Variants in DCHS2 observed in about 807,000 individuals in gnomAD.
DCHS2 encodes protocadherin-23.
DCHS2 carries 142 observed loss-of-function variants against 182.4 expected under a neutral mutation model. That is an observed-to-expected ratio of 0.78 (90% CI 0.68 to 0.89). The LOEUF is 0.89. Among genes scored for constraint, DCHS2 ranks in the 40% least tolerant of loss-of-function variants. The pLI is 0.00. For synonymous variants in DCHS2, 1,740 were observed against 1,663.3 expected (o/e 1.05, Z -1.12); for missense variants, 4,319 against 4,198.6 (o/e 1.03, Z -0.79).
intron 2 of DCHS2, among the ~76,000 whole-genome samples, chr4:154,376,026 T>C (rs1730875589): frequency 6.6e-6 from 1 of 152,032 alleles, no homozygotes; most frequent in African/African-American, 2.4e-5. Flanking sequence ...ATTGGTATAC[T>C]AATGCTTGGT....
At chr4:154,343,546 C>T in intron 3 of DCHS2, 1 of 1,527,414 alleles carries the variant, frequency 6.5e-7, no homozygotes, top group Non-Finnish European at 8.8e-7. Context: ...TCATCTTGCA[C>T]TTTTAGGTAA....
chr4:154,347,555 T>C (rs897750525), intron 3 of DCHS2, among the ~76,000 whole-genome samples: 1 of 151,840 alleles, frequency 6.6e-6, no homozygotes, highest in African/African-American at 2.4e-5. Flanking sequence ...TGTACTACAG[T>C]ATAGTACTAC....
At chr4:154,279,328 A>G (rs1446503422) in intron 13 of DCHS2, among the ~76,000 whole-genome samples, 4 of 152,094 alleles carry the variant, frequency 2.6e-5, no homozygotes, top group African/African-American at 7.2e-5. Flanking sequence ...TAAATGAAAA[A>G]TAAGATCCAG....
At chr4:154,393,517 C>T (rs528094817) in intron 1 of DCHS2, among the ~76,000 whole-genome samples, 7 of 152,190 alleles carry the variant, frequency 4.6e-5, no homozygotes, top group African/African-American at 7.2e-5. Context: ...GTGATAGTCA[C>T]AATGTCTTCA....
intron 8 of DCHS2, 100 bp downstream of exon 8, chr4:154,322,231 A>G: frequency 6.9e-7 from 1 of 1,451,330 alleles, no homozygotes; most frequent in Non-Finnish European, 9.5e-7. Flanking sequence ...ATACATATTC[A>G]TATACATACA....
intron 3 of DCHS2, among the ~76,000 whole-genome samples, chr4:154,341,148 C>A (rs1043210125): frequency 6.6e-6 from 1 of 152,012 alleles, no homozygotes; most frequent in African/African-American, 2.4e-5. Context: ...GCGGGTGGAT[C>A]ACGAGGTCAG....
In DCHS2 at chr4:154,491,644, T is replaced by A; in HGVS notation, c.-289A>T. The A allele has an allele frequency of 3.1e-6, 4 of 1,291,202 alleles. No homozygotes were observed. The highest frequency in any genetic ancestry group is 3.9e-6 in the Non-Finnish European group (4 of 1,023,340). 80.0% of individuals were successfully genotyped at this position (1,291,202 alleles called of 1,614,324 possible). On this transcript the variant is annotated 5_prime_UTR_variant, in exon 1 of 20. Coordinates refer to ENST00000357232, the MANE Select transcript of DCHS2 (RefSeq NM_001358235.2). ...AATCTCATCTCTTTTTCTCTCTCCT[T>A]TTATTCCCTTTACATCTGTTCCTTG...
At chr4:154,258,249 T>C (rs1187974538) in intron 15 of DCHS2, among the ~76,000 whole-genome samples, 1 of 151,952 alleles carries the variant, frequency 6.6e-6, no homozygotes, top group Non-Finnish European at 1.5e-5. Flanking sequence ...CCAGATATCC[T>C]GGACGGGGTG....
At chr4:154,407,112 T>C (rs1732431172) in intron 1 of DCHS2, among the ~76,000 whole-genome samples, 1 of 152,192 alleles carries the variant, frequency 6.6e-6, no homozygotes, top group African/African-American at 2.4e-5. Flanking sequence ...ATCTGTTTTA[T>C]GGCAACATGA....
At chr4:154,297,097 C>G (rs1211088701) in intron 13 of DCHS2, among the ~76,000 whole-genome samples, 1 of 152,140 alleles carries the variant, frequency 6.6e-6, no homozygotes, top group Non-Finnish European at 1.5e-5. Flanking sequence ...AAGCATCAGC[C>G]AGCTTGAAAT....
Position 154,377,279 on chromosome 4 carries a change from C to G in DCHS2, c.2218G>C (p.Asp740His). ...CCATCCTTAGCTTCCACCAGGAGAT[C>G]ATAGGTAGCTGGATCCCTTTCCCTG... ...IDRERDPATY[D>H]LLVEAKDGGG... The change falls in exon 2 of 20, where the codon GAT becomes CAT. Residue 740 changes from aspartate (D) to histidine (H), a missense_variant. By Grantham distance (81) the Asp-to-His change is moderately conservative (BLOSUM62 -1). Transcript: ENST00000357232. 6.2e-7 allele frequency: 1 copy of G among 1,613,258 alleles called. No homozygotes were observed. The highest frequency in any genetic ancestry group is 8.5e-7 in the Non-Finnish European group (1 of 1,179,498).
rs1353503512 is a variant in DCHS2 at position 154,491,104 on chromosome 4, AC to A, written c.251del (p.Gly84ValfsTer77). 1.9e-6 allele frequency: 3 copies of A among 1,551,130 alleles called. No individual in the cohort carries two copies. Among genetic ancestry groups the A allele is most frequent in the Non-Finnish European group, 2.6e-6 (3 of 1,146,930 alleles). On this transcript the variant is annotated frameshift_variant, in exon 1 of 20. Coordinates refer to ENST00000357232, the MANE Select transcript of DCHS2 (RefSeq NM_001358235.2). LOFTEE classifies it high-confidence loss of function. ...CGGCCGGCAGCCCGGCGCGGATGTCACCTACCAGCGTGTCCGGGGGAAGCCC... is the reference window on the plus strand; with the variant it reads ...CGGCCGGCAGCCCGGCGCGGATGTCACTACCAGCGTGTCCGGGGGAAGCCC... ...DEGLPPDTLV[G>X]DIRAGLPAAQ...
chr4:154,483,894 A>C (rs1334561689), intron 1 of DCHS2, among the ~76,000 whole-genome samples: 1 of 152,188 alleles, frequency 6.6e-6, no homozygotes, highest in African/African-American at 2.4e-5. Context: ...AGCTTTAAGT[A>C]TCACCTCCAC....
At chr4:154,433,657 G>T (rs1022065427) in intron 1 of DCHS2, among the ~76,000 whole-genome samples, 13 of 152,242 alleles carry the variant, frequency 8.5e-5, no homozygotes, top group African/African-American at 2.9e-4. Flanking sequence ...GCCTCCCAAA[G>T]TGCTGGGATT....
intron 1 of DCHS2, among the ~76,000 whole-genome samples, chr4:154,395,430 A>G (rs1183757030): frequency 6.6e-6 from 1 of 152,112 alleles, no homozygotes; most frequent in Non-Finnish European, 1.5e-5. Context: ...TCTGGATTAA[A>G]TCTTTAAAAA....
At chr4:154,445,735 T>C (rs1579089994) in intron 1 of DCHS2, among the ~76,000 whole-genome samples, 1 of 149,824 alleles carries the variant, frequency 6.7e-6, no homozygotes, top group Non-Finnish European at 1.5e-5. Flanking sequence ...TACTTGAGCC[T>C]AGGAGTTCTA....
At chr4:154,384,543 C>T in intron 1 of DCHS2, 5 of 1,539,810 alleles carry the variant, frequency 3.2e-6, no homozygotes, top group South Asian at 1.2e-5. Context: ...TATGACTATT[C>T]TCTTATTTGA....
chr4:154,283,931 C>G (rs1221136885), intron 13 of DCHS2, among the ~76,000 whole-genome samples: 1 of 152,144 alleles, frequency 6.6e-6, no homozygotes, highest in Non-Finnish European at 1.5e-5. Context: ...CCAGATCAAG[C>G]TAGAATCCAG....
chr4:154,448,385 T>G (rs944385107), intron 1 of DCHS2, among the ~76,000 whole-genome samples: 3 of 152,162 alleles, frequency 2.0e-5, no homozygotes, highest in African/African-American at 7.2e-5. Flanking sequence ...TCTTTTCCCC[T>G]TTACAGAAGC....
Sources: allele counts gnomAD v4.1 joint callset (sites outside exome capture counted in the v4.1 genomes callset), GRCh38; gene constraint gnomAD v4.1.1; transcripts MANE v1.5; gene names NCBI Gene and HGNC (gene_info 2026-07-23, HGNC 2026-07-21).